TMEM87B: variants seen among roughly 807,000 people sequenced by gnomAD.
TMEM87B encodes transmembrane protein 87B.
Under a neutral mutation model 80.3 loss-of-function variants are expected in TMEM87B, and 83 were observed. That is an observed-to-expected ratio of 1.03 (90% CI 0.87 to 1.24). The LOEUF (loss-of-function observed/expected upper bound fraction) is 1.24, where lower values mean the gene tolerates loss of function less well. TMEM87B is among the 50% of genes most tolerant of loss of function. TMEM87B has a pLI of 0.00. For missense variants in TMEM87B, 625 were observed against 674.4 expected (o/e 0.93, Z 0.81); for synonymous variants, 219 against 230.5 (o/e 0.95, Z 0.45).
At chr2:112,058,178 C>G (rs575577104) in intron 1 of TMEM87B, among the ~76,000 whole-genome samples, 3 of 152,318 alleles carry the variant, frequency 2.0e-5, no homozygotes, top group African/African-American at 7.2e-5. Flanking sequence ...AGGAGGGGAA[C>G]AGAGCAGCAG....
chr2:112,064,024 C>G, intron 2 of TMEM87B, 138 bp from the exon 3 acceptor site: 1 of 667,692 alleles, frequency 1.5e-6, no homozygotes, highest in South Asian at 2.3e-5. Context: ...TTTACAGTGA[C>G]TTTTTGGAGA....
chr2:112,100,620 A>T lies in TMEM87B; in HGVS notation c.1377-2A>T, dbSNP rs751828387. The stretch of plus-strand genomic sequence containing the variant: ...TAAAACTACTCCTTGTTTTTGCTAT[A>T]GATATGCCTTCATGCCCTTAATAGA... On this transcript the variant is annotated splice_acceptor_variant, in intron 14 of 18. Transcript: ENST00000283206. LOFTEE classifies it high-confidence loss of function. The T allele has an allele frequency of 2.5e-6, 4 of 1,602,790 alleles. No homozygotes were observed. The East Asian group carries it at 9.0e-5, about 36-fold the overall frequency.
chr2:112,104,041 G>T (rs972688553), intron 15 of TMEM87B, among the ~76,000 whole-genome samples: 1 of 152,076 alleles, frequency 6.6e-6, no homozygotes, highest in African/African-American at 2.4e-5. Flanking sequence ...GGATAAATGT[G>T]TAGGAAAAAA....
intron 8 of TMEM87B, among the ~76,000 whole-genome samples, chr2:112,084,448 C>T (rs1679087665): frequency 6.6e-6 from 1 of 152,230 alleles, no homozygotes; most frequent in African/African-American, 2.4e-5. Flanking sequence ...GGGAGCTCAT[C>T]CTTTCTGCCT....
At chr2:112,076,883 T>C (rs1478768520) in intron 5 of TMEM87B, among the ~76,000 whole-genome samples, 1 of 144,778 alleles carries the variant, frequency 6.9e-6, no homozygotes, top group Non-Finnish European at 1.5e-5. Context: ...TGTGTGTGTG[T>C]GTGTGTCTGT....
chr2:112,055,852 G>A (rs768969224), intron 1 of TMEM87B, 96 bp downstream of exon 1: 34 of 1,378,036 alleles, frequency 2.5e-5, no homozygotes, highest in African/African-American at 3.0e-5. Context: ...CCCTGCCTCT[G>A]CCGGGTCAGC....
At chr2:112,101,766 A>T (rs1406846002) in intron 15 of TMEM87B, among the ~76,000 whole-genome samples, 1 of 152,232 alleles carries the variant, frequency 6.6e-6, no homozygotes, top group African/African-American at 2.4e-5. Context: ...AGTCAACTGT[A>T]GTACAGTAAG....
chr2:112,108,626 G>A (rs1679834796), intron 17 of TMEM87B, among the ~76,000 whole-genome samples: 1 of 152,114 alleles, frequency 6.6e-6, no homozygotes, highest in Non-Finnish European at 1.5e-5. Context: ...GTTTCAGAAA[G>A]ATGTCTGCTT....
At chr2:112,082,283 G>A (rs1422981795) in intron 8 of TMEM87B, among the ~76,000 whole-genome samples, 1 of 152,162 alleles carries the variant, frequency 6.6e-6, no homozygotes, top group Non-Finnish European at 1.5e-5. Context: ...TGATTGACAA[G>A]GTCTTGATCT....
chr2:112,118,855 A>G lies in TMEM87B; in HGVS notation c.*2712A>G, dbSNP rs1002069647. On this transcript the variant is annotated 3_prime_UTR_variant, in exon 19 of 19. Transcript: ENST00000283206. Reference sequence around the variant, plus strand: ...TCGAGTCTGTTGCACTAGGCTGTACATGACTAAAGTTGACAGATGCTATGC... The same window carrying G: ...TCGAGTCTGTTGCACTAGGCTGTACGTGACTAAAGTTGACAGATGCTATGC... 1 of 152,132 alleles carries G rather than the reference A, an allele frequency of 6.6e-6. No individual in the cohort carries two copies. The highest frequency in any genetic ancestry group is 1.5e-5 in the Non-Finnish European group (1 of 67,988). The allele number at this position is 152,132 out of a possible 1,614,324, so 9.4% of individuals were successfully genotyped here.
intron 11 of TMEM87B, chr2:112,095,522 C>G (rs1679443157): frequency 1.1e-6 from 1 of 901,990 alleles, no homozygotes; most frequent in Non-Finnish European, 1.3e-6. Context: ...TTTTTTAATC[C>G]TAGAAATTTG....
intron 11 of TMEM87B, among the ~76,000 whole-genome samples, chr2:112,092,604 G>A (rs1679337893): frequency 6.6e-6 from 1 of 152,188 alleles, no homozygotes; most frequent in Admixed American, 6.5e-5. Flanking sequence ...GATGGTGAGG[G>A]TCAGAAGTAG....
At chr2:112,093,417 A>G (rs1285468935) in intron 11 of TMEM87B, among the ~76,000 whole-genome samples, 1 of 152,246 alleles carries the variant, frequency 6.6e-6, no homozygotes, top group Non-Finnish European at 1.5e-5. Context: ...CTCTCTTCAC[A>G]GAACACAGAC....
rs1469725719 is a variant in TMEM87B at position 112,118,105 on chromosome 2, G to A, written c.*1962G>A. ...CCAGAGAAAGCAGAATTCCCTCCTA[G>A]TAACCTCATTACAAATACTGTTACT... On this transcript the variant is annotated 3_prime_UTR_variant, in exon 19 of 19. Transcript: ENST00000283206. 6.6e-6 allele frequency: 1 copy of A among 152,134 alleles called. No individual in the cohort carries two copies. Among genetic ancestry groups the A allele is most frequent in the African/African-American group, 2.4e-5 (1 of 41,428 alleles). 9.4% of individuals were successfully genotyped at this position (152,134 alleles called of 1,614,324 possible).
In TMEM87B at chr2:112,100,681, CTTCTGAAAA is replaced by C. The variant is rs1679606437; in HGVS notation, c.1439_1447del (p.Ser480_Asn482del). 1 of 1,606,504 alleles carries C rather than the reference CTTCTGAAAA, an allele frequency of 6.2e-7. No homozygotes were observed. The highest frequency in any genetic ancestry group is 8.5e-7 in the Non-Finnish European group (1 of 1,174,382). The stretch of plus-strand genomic sequence containing the variant: ...GATGAAATTGAGGAATTCATGGTAA[CTTCTGAAAA>C]TTTAAGTGAGTAATATGTTTTCTTT... On this transcript the variant is annotated inframe_deletion, in exon 15 of 19. Transcript: ENST00000283206.
intron 4 of TMEM87B, among the ~76,000 whole-genome samples, chr2:112,072,895 CTTTTTTTTTTT>C (rs71226782): frequency 2.4e-5 from 2 of 83,014 alleles, no homozygotes; most frequent in South Asian, 3.9e-4. Context: ...AACTCTTCTT[CTTTTTTTTTTT>C]TTTTTTTTTT....
intron 10 of TMEM87B, among the ~76,000 whole-genome samples, chr2:112,090,601 AT>A (rs1441769011): frequency 6.6e-6 from 1 of 151,776 alleles, no homozygotes; most frequent in East Asian, 1.9e-4. Context: ...TAATTTTTGT[AT>A]TTTTTGTAGA....
intron 2 of TMEM87B, among the ~76,000 whole-genome samples, chr2:112,061,240 A>G (rs1043852970): frequency 1.3e-5 from 2 of 152,166 alleles, no homozygotes; most frequent in African/African-American, 2.4e-5. Flanking sequence ...TTGTGGCCCA[A>G]TTCCTCTTAT....
intron 17 of TMEM87B, among the ~76,000 whole-genome samples, chr2:112,108,902 AG>A (rs1407577507): frequency 6.6e-6 from 1 of 152,258 alleles, no homozygotes; most frequent in Non-Finnish European, 1.5e-5. Context: ...TTTTCAAAGC[AG>A]CTGCATTATT....
Sources: allele counts gnomAD v4.1 joint callset (sites outside exome capture counted in the v4.1 genomes callset), GRCh38; gene constraint gnomAD v4.1.1; transcripts MANE v1.5; gene names NCBI Gene and HGNC (gene_info 2026-07-23, HGNC 2026-07-21).